The following TEAD1 variants were observed in gnomAD, a reference collection of about 807,000 sequenced individuals.
TEAD1 encodes the protein TEA domain transcription factor 1.
In TEAD1, 9 loss-of-function variants were observed where a neutral mutation model predicts 54.9. That is an observed-to-expected ratio of 0.16 (90% CI 0.10 to 0.29). The LOEUF is 0.29. TEAD1 is among the 10% of genes least tolerant of loss of function. TEAD1 has a pLI of 1.00. For synonymous variants in TEAD1, 200 were observed against 187.8 expected (o/e 1.07, Z -0.53); for missense variants, 387 against 535.9 (o/e 0.72, Z 2.74).
intron 2 of TEAD1, among the ~76,000 whole-genome samples, chr11:12,722,249 C>G (rs1035846105): frequency 6.6e-6 from 1 of 152,162 alleles, no homozygotes; most frequent in Non-Finnish European, 1.5e-5. Context: ...GGGATCTCAT[C>G]CTGTCTCCAC....
intron 5 of TEAD1, among the ~76,000 whole-genome samples, chr11:12,869,664 T>C (rs1451003578): frequency 6.6e-6 from 1 of 152,140 alleles, no homozygotes; most frequent in Non-Finnish European, 1.5e-5. Context: ...AATTGATCAT[T>C]TTCATTATAT....
At chr11:12,791,574 G>A (rs1013381139) in intron 3 of TEAD1, among the ~76,000 whole-genome samples, 1 of 152,122 alleles carries the variant, frequency 6.6e-6, no homozygotes, top group Non-Finnish European at 1.5e-5. Flanking sequence ...GCTGTAACTA[G>A]TGATGGGTTG....
At chr11:12,932,136 A>C (rs1476574591) in intron 12 of TEAD1, among the ~76,000 whole-genome samples, 1 of 152,250 alleles carries the variant, frequency 6.6e-6, no homozygotes, top group East Asian at 1.9e-4. Context: ...AAAATTTAGA[A>C]GCCAGCATTC....
At chr11:12,852,801 C>A (rs992887115) in intron 3 of TEAD1, among the ~76,000 whole-genome samples, 2 of 152,150 alleles carry the variant, frequency 1.3e-5, no homozygotes, top group Non-Finnish European at 2.9e-5. Context: ...ATGTGAAAGA[C>A]ATGGACTGTA....
intron 10 of TEAD1, among the ~76,000 whole-genome samples, chr11:12,905,248 A>G (rs182409653): frequency 1.3e-5 from 2 of 152,304 alleles, no homozygotes; most frequent in African/African-American, 4.8e-5. Flanking sequence ...GATTTTAATA[A>G]ATGTTTTCCA....
chr11:12,765,114 T>TG lies in TEAD1; in HGVS notation c.202+681dup, dbSNP rs1405765235. ...TTGGGGGTTGCCTTGAAAGGCATTCTGAAGGAAACACCAAGAGTGCCAAGG... is the reference window on the plus strand; with the variant it reads ...TTGGGGGTTGCCTTGAAAGGCATTCTGGAAGGAAACACCAAGAGTGCCAAGG... On this transcript the variant is annotated intron_variant, in intron 3 of 12. Coordinates refer to ENST00000527636, the MANE Select transcript of TEAD1 (RefSeq NM_021961.6). Among the ~76,000 whole-genome samples the TG allele has an allele frequency of 3.3e-5, 5 of 152,092 alleles. No homozygotes were observed. In the East Asian group the frequency reaches 9.7e-4, roughly 29 times the overall value.
intron 3 of TEAD1, among the ~76,000 whole-genome samples, chr11:12,833,306 C>A (rs1030998054): frequency 1.3e-5 from 2 of 152,136 alleles, no homozygotes; most frequent in African/African-American, 4.8e-5. Flanking sequence ...GAATTCAGAT[C>A]ATCTTAATTA....
chr11:12,714,514 G>A (rs1944013203), intron 2 of TEAD1, among the ~76,000 whole-genome samples: 2 of 152,068 alleles, frequency 1.3e-5, no homozygotes, highest in African/African-American at 4.8e-5. Flanking sequence ...TGTTGTTTTG[G>A]CTTTGTTAAA....
chr11:12,840,728 T>C (rs1271259212), intron 3 of TEAD1, among the ~76,000 whole-genome samples: 1 of 152,178 alleles, frequency 6.6e-6, no homozygotes, highest in Admixed American at 6.5e-5. Context: ...GTAGAAAAAC[T>C]AAGGCATAGA....
intron 3 of TEAD1, among the ~76,000 whole-genome samples, chr11:12,771,356 G>A (rs898167545): frequency 3.9e-5 from 6 of 152,212 alleles, no homozygotes; most frequent in African/African-American, 1.4e-4. Flanking sequence ...AAGGCGTGAA[G>A]ACAAGTTAGA....
chr11:12,703,122 A>G (rs1183613532), intron 2 of TEAD1, among the ~76,000 whole-genome samples: 1 of 152,128 alleles, frequency 6.6e-6, no homozygotes, highest in Non-Finnish European at 1.5e-5. Flanking sequence ...CAATGAGCGC[A>G]TTCCCCTTAG....
chr11:12,790,534 C>G (rs1018800112), intron 3 of TEAD1, among the ~76,000 whole-genome samples: 1 of 152,186 alleles, frequency 6.6e-6, no homozygotes, highest in South Asian at 2.1e-4. Context: ...TTCTATTAAA[C>G]TTTGACAAAT....
At chr11:12,867,797 C>T (rs2134076294) in intron 5 of TEAD1, among the ~76,000 whole-genome samples, 1 of 152,100 alleles carries the variant, frequency 6.6e-6, no homozygotes, top group East Asian at 1.9e-4. Context: ...TTGAGGTCAT[C>T]CCAAAAGACA....
chr11:12,893,101 C>G (rs1475828835), intron 9 of TEAD1, among the ~76,000 whole-genome samples: 1 of 152,208 alleles, frequency 6.6e-6, no homozygotes, highest in Non-Finnish European at 1.5e-5. Flanking sequence ...GATATTCTAA[C>G]CCAGGTGTCA....
intron 3 of TEAD1, among the ~76,000 whole-genome samples, chr11:12,803,884 G>T (rs1946116189): frequency 6.6e-6 from 1 of 152,206 alleles, no homozygotes; most frequent in Admixed American, 6.5e-5. Context: ...TTTATAGGAC[G>T]CCAACACTTG....
intron 11 of TEAD1, among the ~76,000 whole-genome samples, chr11:12,927,601 T>A (rs778139536): frequency 6.6e-6 from 1 of 152,328 alleles, no homozygotes; most frequent in African/African-American, 2.4e-5. Flanking sequence ...AGCAATCTAA[T>A]TGTAATTGCA....
intron 2 of TEAD1, among the ~76,000 whole-genome samples, chr11:12,735,603 A>G (rs1261855847): frequency 1.4e-5 from 2 of 140,208 alleles, no homozygotes; most frequent in Non-Finnish European, 3.0e-5. Flanking sequence ...TGTGCTATGC[A>G]CTGTTCTGGA....
chr11:12,769,390 AG>A (rs1945272334), intron 3 of TEAD1, among the ~76,000 whole-genome samples: 1 of 152,162 alleles, frequency 6.6e-6, no homozygotes, highest in African/African-American at 2.4e-5. Context: ...AGAACTGACA[AG>A]GGGGTATCAG....
intron 3 of TEAD1, among the ~76,000 whole-genome samples, chr11:12,801,770 T>G (rs888752655): frequency 6.6e-6 from 1 of 152,208 alleles, no homozygotes; most frequent in Non-Finnish European, 1.5e-5. Context: ...TTGTATTTCA[T>G]TCAGAATCAT....
Sources: gnomAD v4.1 joint callset for allele counts (sites outside exome capture counted in the v4.1 genomes callset) on GRCh38, gnomAD v4.1.1 for gene constraint, MANE v1.5 for transcripts, NCBI Gene and HGNC (gene_info 2026-07-23, HGNC 2026-07-21) for gene names.